GRM1: variants seen among roughly 807,000 people sequenced by gnomAD.
GRM1 encodes the protein glutamate metabotropic receptor 1, also known as metabotropic glutamate receptor 1.
A neutral mutation model predicts 90.9 loss-of-function variants in GRM1; 33 were observed. The ratio of observed to expected loss-of-function variants is 0.36; its 90% CI spans 0.28 to 0.49. The LOEUF (loss-of-function observed/expected upper bound fraction) is 0.49. Among genes scored for constraint, GRM1 ranks in the 20% least tolerant of loss-of-function variants. GRM1 has a pLI of 0.99. For synonymous variants in GRM1, 700 were observed against 613.2 expected, an observed-to-expected ratio of 1.14 and a Z score of -2.09; for missense variants, 1,190 against 1,534.3, an observed-to-expected ratio of 0.78 and a Z score of 3.75.
At position 146,043,615 on chromosome 6, in the gene GRM1, T is replaced by A. The variant is rs191010109; in HGVS notation, c.700+13398T>A. 3.6e-4 allele frequency among the ~76,000 whole-genome samples: 54 copies of A among 151,676 alleles called. No homozygotes were observed. The East Asian group carries it at 8.9e-3, about 25-fold the overall frequency. On this transcript the variant is annotated intron_variant, in intron 1 of 7. Transcript: ENST00000282753. The stretch of plus-strand genomic sequence containing the variant: ...ATGAGAACATTGCATTTTCTGTTTA[T>A]CTCTTGCCTACCAGGAAGCTCAAAA...
intron 2 of GRM1, among the ~76,000 whole-genome samples, chr6:146,162,645 A>G (rs1777771323): frequency 6.6e-6 from 1 of 152,114 alleles, no homozygotes; most frequent in Non-Finnish European, 1.5e-5. Flanking sequence ...CCCCCTATTT[A>G]TTTCATAACA....
Position 146,401,698 on chromosome 6 carries a change from T to C in GRM1, c.2660+1999T>C, listed in dbSNP as rs547912980. ...CTTCCTTGTAATTTTTAGGTATGGG[T>C]CATTTTTGAAAGTTTTTCTTCTAAC... is the stretch of plus-strand genomic sequence containing the variant. On this transcript the variant is annotated intron_variant, in intron 7 of 7. Coordinates refer to ENST00000282753, the MANE Select transcript of GRM1 (RefSeq NM_001278064.2). Among the ~76,000 whole-genome samples the C allele has an allele frequency of 2.0e-5, 3 of 152,288 alleles. No homozygotes were observed. The South Asian group carries it at 6.2e-4, about 32-fold the overall frequency.
At chr6:146,276,555 C>T (rs1782368184) in intron 2 of GRM1, among the ~76,000 whole-genome samples, 1 of 151,676 alleles carries the variant, frequency 6.6e-6, no homozygotes. Flanking sequence ...ACTCATTATG[C>T]CAATAATTTT....
chr6:146,041,413 A>G (rs1026721470), intron 1 of GRM1, among the ~76,000 whole-genome samples: 7 of 151,944 alleles, frequency 4.6e-5, no homozygotes, highest in Admixed American at 2.0e-4. Flanking sequence ...TACAGGTTCT[A>G]TGCTGGTTGC....
chr6:146,259,786 C>T (rs1403483491), intron 2 of GRM1, among the ~76,000 whole-genome samples: 1 of 151,814 alleles, frequency 6.6e-6, no homozygotes, highest in East Asian at 1.9e-4. Context: ...TCTTTGTGTT[C>T]CTGATTCCAG....
intron 1 of GRM1, among the ~76,000 whole-genome samples, chr6:146,041,164 T>C (rs1791088060): frequency 6.6e-6 from 1 of 152,036 alleles, no homozygotes; most frequent in South Asian, 2.1e-4. Flanking sequence ...TTTTATGTGT[T>C]ATCTTGGAGT....
intron 1 of GRM1, among the ~76,000 whole-genome samples, chr6:146,081,471 G>A (rs147896378): frequency 1.9e-3 from 283 of 152,232 alleles, no homozygotes; most frequent in African/African-American, 6.2e-3. Flanking sequence ...AAAGAGGAAC[G>A]GCTCACAGAA....
At chr6:146,356,882 G>A (rs1219850990) in intron 4 of GRM1, among the ~76,000 whole-genome samples, 6 of 152,140 alleles carry the variant, frequency 3.9e-5, no homozygotes, top group African/African-American at 1.4e-4. Flanking sequence ...AGAGTTCTAA[G>A]TGCAGGTTTT....
intron 1 of GRM1, among the ~76,000 whole-genome samples, chr6:146,081,723 C>T (rs184968031): frequency 1.6e-4 from 25 of 152,198 alleles, no homozygotes; most frequent in Non-Finnish European, 7.4e-5. Flanking sequence ...GTACATTAAG[C>T]AGTGTATAAT....
At chr6:146,309,883 A>G (rs949185269) in intron 3 of GRM1, among the ~76,000 whole-genome samples, 3 of 152,172 alleles carry the variant, frequency 2.0e-5, no homozygotes, top group Non-Finnish European at 4.4e-5. Context: ...TGCATACTTA[A>G]TATTTGCTCC....
At chr6:146,293,015 G>A (rs1314676480) in intron 2 of GRM1, among the ~76,000 whole-genome samples, 1 of 151,948 alleles carries the variant, frequency 6.6e-6, no homozygotes, top group African/African-American at 2.4e-5. Context: ...GAAGCTGGAT[G>A]CAAAAGTTCA....
chr6:146,341,716 C>T (rs1291417875), intron 3 of GRM1, among the ~76,000 whole-genome samples: 2 of 152,194 alleles, frequency 1.3e-5, no homozygotes, highest in African/African-American at 4.8e-5. Context: ...CCGTATGTTC[C>T]TCAATCACAT....
At chr6:146,221,010 A>G (rs1010327036) in intron 2 of GRM1, among the ~76,000 whole-genome samples, 70 of 151,980 alleles carry the variant, frequency 4.6e-4, no homozygotes, top group African/African-American at 1.6e-3. Context: ...ACATCTCGCT[A>G]TGAAATCTAC....
chr6:146,055,132 T>A (rs1043009695), intron 1 of GRM1, among the ~76,000 whole-genome samples: 1 of 152,116 alleles, frequency 6.6e-6, no homozygotes, highest in Non-Finnish European at 1.5e-5. Flanking sequence ...TTTTAAAACA[T>A]GTTGAATAAA....
chr6:146,125,982 T>C (rs895605904), intron 1 of GRM1, among the ~76,000 whole-genome samples: 2 of 152,150 alleles, frequency 1.3e-5, no homozygotes, highest in African/African-American at 4.8e-5. Context: ...TTAATCTGTT[T>C]TTTAAAATTC....
In GRM1 at chr6:146,065,636, C is replaced by A. The variant is rs556013055; in HGVS notation, c.700+35419C>A. 4.6e-5 allele frequency among the ~76,000 whole-genome samples: 7 copies of A among 152,272 alleles called. No individual in the cohort carries two copies. The South Asian group carries it at 8.3e-4, about 18-fold the overall frequency. On this transcript the variant is annotated intron_variant, in intron 1 of 7. Coordinates refer to ENST00000282753, the MANE Select transcript of GRM1 (RefSeq NM_001278064.2). ...CAGGACATGTGATGCTGGGCCTGAG[C>A]TGTTCAGCCCCGTAAACAAGGATAG...
At chr6:146,298,166 A>G (rs1474992603) in intron 2 of GRM1, among the ~76,000 whole-genome samples, 1 of 152,112 alleles carries the variant, frequency 6.6e-6, no homozygotes, top group African/African-American at 2.4e-5. Flanking sequence ...ATTATTCATG[A>G]TACCTACCCT....
intron 3 of GRM1, among the ~76,000 whole-genome samples, chr6:146,323,377 A>G (rs1434470297): frequency 6.6e-6 from 1 of 152,164 alleles, no homozygotes. Flanking sequence ...TTTTGGCTGC[A>G]TAAATGTCTT....
chr6:146,065,448 A>C (rs932224708), intron 1 of GRM1, among the ~76,000 whole-genome samples: 1 of 152,206 alleles, frequency 6.6e-6, no homozygotes, highest in Non-Finnish European at 1.5e-5. Flanking sequence ...TCCGTTTCTG[A>C]ATCTGTAAAA....
Sources: gnomAD v4.1 joint callset for allele counts (sites outside exome capture counted in the v4.1 genomes callset) on GRCh38, gnomAD v4.1.1 for gene constraint, MANE v1.5 for transcripts, NCBI Gene and HGNC (gene_info 2026-07-23, HGNC 2026-07-21) for gene names.